LMBR1: variants seen among roughly 807,000 people sequenced by gnomAD.
LMBR1 encodes limb region 1 protein homolog.
In LMBR1, 52 loss-of-function variants were observed where a neutral mutation model predicts 73.9. The observed-to-expected ratio is 0.70, with a 90% CI of 0.56 to 0.89. The LOEUF (loss-of-function observed/expected upper bound fraction) is 0.89, where lower values mean the gene tolerates loss of function less well. Ranked by LOEUF, LMBR1 falls within the 40% of genes least tolerant of loss-of-function variation. The probability of loss-of-function intolerance (pLI) is 0.00; values close to 1 mark genes in which losing one functional copy is unlikely to be tolerated. For synonymous variants in LMBR1, 215 were observed against 209.4 expected (o/e 1.03, Z -0.23); for missense variants, 539 against 579.8 (o/e 0.93, Z 0.72).
chr7:156,744,638 A>G (rs1263945233), intron 9 of LMBR1, among the ~76,000 whole-genome samples: 1 of 152,182 alleles, frequency 6.6e-6, no homozygotes, highest in Admixed American at 6.5e-5. Context: ...GTGACACAAA[A>G]TAGTTCTTCC....
chr7:156,805,541 G>C (rs1197894066), intron 4 of LMBR1, among the ~76,000 whole-genome samples: 1 of 152,146 alleles, frequency 6.6e-6, no homozygotes, highest in African/African-American at 2.4e-5. Context: ...GATTACTGTA[G>C]CTTTAAAAGA....
intron 1 of LMBR1, among the ~76,000 whole-genome samples, chr7:156,850,220 C>T (rs748920782): frequency 6.6e-6 from 1 of 152,104 alleles, no homozygotes; most frequent in Non-Finnish European, 1.5e-5. Context: ...GCAAGTCTGG[C>T]CCCCTTCTTG....
intron 4 of LMBR1, among the ~76,000 whole-genome samples, chr7:156,798,237 G>T (rs1340521724): frequency 6.6e-6 from 1 of 152,134 alleles, no homozygotes; most frequent in Non-Finnish European, 1.5e-5. Context: ...TACAACAACT[G>T]ACACAATGCC....
intron 16 of LMBR1, among the ~76,000 whole-genome samples, chr7:156,686,899 C>G (rs904798456): frequency 6.6e-6 from 1 of 152,188 alleles, no homozygotes; most frequent in African/African-American, 2.4e-5. Flanking sequence ...GTTGGGCCAG[C>G]TTTATTAAAC....
intron 15 of LMBR1, among the ~76,000 whole-genome samples, chr7:156,690,703 C>G (rs984547996): frequency 6.6e-6 from 1 of 151,682 alleles, no homozygotes; most frequent in African/African-American, 2.4e-5. Flanking sequence ...CTATAGTGCA[C>G]CGAAGAAATA....
chr7:156,692,235 C>A (rs963258243), intron 15 of LMBR1, among the ~76,000 whole-genome samples: 2 of 152,148 alleles, frequency 1.3e-5, no homozygotes, highest in Non-Finnish European at 2.9e-5. Flanking sequence ...CACCACCACG[C>A]CCGGCTAATT....
intron 9 of LMBR1, among the ~76,000 whole-genome samples, chr7:156,754,558 A>G (rs1287120403): frequency 6.6e-6 from 1 of 152,156 alleles, no homozygotes; most frequent in Non-Finnish European, 1.5e-5. Flanking sequence ...TGGAATTTGT[A>G]TTTTTTAAAA....
intron 5 of LMBR1, among the ~76,000 whole-genome samples, chr7:156,781,479 A>G (rs1827124587): frequency 6.6e-6 from 1 of 152,138 alleles, no homozygotes; most frequent in Non-Finnish European, 1.5e-5. Context: ...GGCAGGTATC[A>G]GTGCAGATGC....
At chr7:156,878,493 C>T (rs183268902) in intron 1 of LMBR1, among the ~76,000 whole-genome samples, 106 of 152,222 alleles carry the variant, frequency 7.0e-4, no homozygotes, top group African/African-American at 2.4e-3. Flanking sequence ...TAGGAATATA[C>T]CTAACCAAGA....
chr7:156,750,297 CGTGT>C (rs60663497), intron 9 of LMBR1, among the ~76,000 whole-genome samples: 3 of 150,184 alleles, frequency 2.0e-5, no homozygotes, highest in East Asian at 2.0e-4. Flanking sequence ...TGTGTGTGTA[CGTGT>C]GTGTGTGTGT....
chr7:156,725,590 C>G, intron 13 of LMBR1, 65 bp from the exon 14 acceptor site: 1 of 1,332,650 alleles, frequency 7.5e-7, no homozygotes, highest in East Asian at 2.3e-5. Context: ...CGGCAGTCTC[C>G]AAAAAGTCTT....
chr7:156,819,863 G>A (rs1834484260), intron 4 of LMBR1, among the ~76,000 whole-genome samples: 2 of 152,140 alleles, frequency 1.3e-5, no homozygotes, highest in South Asian at 2.1e-4. Flanking sequence ...TTAATGGAAT[G>A]GAATGGCTAG....
chr7:156,701,766 G>A (rs1437837109), intron 15 of LMBR1, among the ~76,000 whole-genome samples: 1 of 152,144 alleles, frequency 6.6e-6, no homozygotes, highest in East Asian at 1.9e-4. Context: ...ATGCTTAGCT[G>A]TTTAACCTGA....
At chr7:156,707,267 C>A (rs113404178) in intron 15 of LMBR1, among the ~76,000 whole-genome samples, 3,995 of 152,074 alleles carry the variant, frequency 0.026, 179 homozygotes, top group African/African-American at 0.092. Flanking sequence ...AAAGAAAAGC[C>A]CAGGACCAGA....
chr7:156,802,247 T>C (rs998087266), intron 4 of LMBR1, among the ~76,000 whole-genome samples: 7 of 152,236 alleles, frequency 4.6e-5, no homozygotes, highest in African/African-American at 1.7e-4. Context: ...CCTTCCAAAG[T>C]GCTGGGATTA....
intron 4 of LMBR1, among the ~76,000 whole-genome samples, chr7:156,819,937 T>C (rs1050139505): frequency 1.7e-4 from 26 of 152,150 alleles, no homozygotes; most frequent in African/African-American, 6.3e-4. Flanking sequence ...AAAGACCAAG[T>C]GGAAGCTACT....
chr7:156,763,208 A>G (rs1823441989), intron 6 of LMBR1, 32 bp from the exon 7 acceptor site: 2 of 928,990 alleles, frequency 2.2e-6, no homozygotes, highest in Non-Finnish European at 3.3e-6. Flanking sequence ...ATTTTAATAA[A>G]TCCAAAATAC....
At chr7:156,695,543 G>C (rs1808103952) in intron 15 of LMBR1, among the ~76,000 whole-genome samples, 1 of 151,970 alleles carries the variant, frequency 6.6e-6, no homozygotes, top group Non-Finnish European at 1.5e-5. Flanking sequence ...CAAAGGGTTG[G>C]GGGAGGCACC....
At chr7:156,874,044 G>A (rs112971903) in intron 1 of LMBR1, among the ~76,000 whole-genome samples, 15,175 of 152,314 alleles carry the variant, frequency 0.1, 858 homozygotes, top group African/African-American at 0.13. Context: ...ACTGGGCGCC[G>A]TGGAGCAGGG....
Sources: allele counts gnomAD v4.1 joint callset (sites outside exome capture counted in the v4.1 genomes callset), GRCh38; gene constraint gnomAD v4.1.1; transcripts MANE v1.5; gene names NCBI Gene and HGNC (gene_info 2026-07-23, HGNC 2026-07-21).